The following TNFRSF8 variants were observed in gnomAD, a reference collection of about 807,000 sequenced individuals.
The protein encoded by TNFRSF8 is tumor necrosis factor receptor superfamily member 8.
TNFRSF8 carries 26 observed loss-of-function variants against 70.8 expected under a neutral mutation model. The observed-to-expected ratio is 0.37, with a 90% CI of 0.27 to 0.51. The LOEUF (loss-of-function observed/expected upper bound fraction) is 0.51. Ranked by LOEUF, TNFRSF8 falls within the 20% of genes least tolerant of loss-of-function variation. TNFRSF8 has a pLI of 0.94. For missense variants in TNFRSF8, 720 were observed against 807.9 expected (o/e 0.89, Z 1.32); for synonymous variants, 356 against 339.2 (o/e 1.05, Z -0.54).
intron 2 of TNFRSF8, 122 bp from the exon 3 acceptor site, chr1:12,096,979 A>G: frequency 1.4e-6 from 1 of 697,058 alleles, no homozygotes; most frequent in Non-Finnish European, 2.5e-6. Context: ...AATTGGACTG[A>G]CAGTTTTCGG....
rs527633163 is a variant in TNFRSF8 at position 12,092,645 on chromosome 1, C to CT, written c.152-4455dup. On this transcript the variant is annotated intron_variant, in intron 2 of 14. Transcript: ENST00000263932. ...GCCTCAGCCTCCCAAGTAGCTGGGACTACAGGCGCCCGCCACCACACCCGG... is the reference window on the plus strand; with the variant it reads ...GCCTCAGCCTCCCAAGTAGCTGGGACTTACAGGCGCCCGCCACCACACCCGG... Among the ~76,000 whole-genome samples, 25 of 149,930 alleles carry CT rather than the reference C, an allele frequency of 1.7e-4. 2 individuals carry two copies. In the South Asian group the frequency reaches 3.4e-3, roughly 20 times the overall value.
At chr1:12,105,573 TCACACACACACA>T (rs34007480) in intron 4 of TNFRSF8, among the ~76,000 whole-genome samples, 1 of 147,364 alleles carries the variant, frequency 6.8e-6, no homozygotes, top group African/African-American at 2.5e-5. Context: ...TCTCTCTGTC[TCACACACACACA>T]CACACACACA....
At chr1:12,128,556 G>A (rs12402147) in intron 12 of TNFRSF8, among the ~76,000 whole-genome samples, 13,505 of 152,344 alleles carry the variant, frequency 0.089, 675 homozygotes, top group South Asian at 0.21. Context: ...GGCACAGGAT[G>A]GTGAAGTAAT....
chr1:12,073,745 C>G (rs1030156928), intron 1 of TNFRSF8, among the ~76,000 whole-genome samples: 8 of 151,940 alleles, frequency 5.3e-5, no homozygotes, highest in Admixed American at 6.6e-5. Context: ...AGGCGCCCAC[C>G]ACCACGCCTG....
At chr1:12,133,761 A>T in intron 12 of TNFRSF8, among the ~76,000 whole-genome samples, 1 of 115,296 alleles carries the variant, frequency 8.7e-6, no homozygotes, top group South Asian at 2.7e-4. Context: ...AAAAAAAAAA[A>T]ATTACCCCTG....
At chr1:12,130,591 C>T (rs940214191) in intron 12 of TNFRSF8, among the ~76,000 whole-genome samples, 3 of 152,322 alleles carry the variant, frequency 2.0e-5, no homozygotes, top group Admixed American at 6.5e-5. Flanking sequence ...AATCACAGGC[C>T]AGAGAGGGGA....
At chr1:12,123,888 G>T in intron 10 of TNFRSF8, 61 bp downstream of exon 10, 1 of 1,417,322 alleles carries the variant, frequency 7.1e-7, no homozygotes, top group Non-Finnish European at 9.7e-7. Context: ...GGGAAGTGTG[G>T]ATTGGGGGAG....
chr1:12,086,401 A>G (rs947030607), intron 2 of TNFRSF8, among the ~76,000 whole-genome samples: 5 of 152,122 alleles, frequency 3.3e-5, no homozygotes, highest in Non-Finnish European at 7.4e-5. Context: ...TGAATGATCT[A>G]TTAGGTGGGT....
chr1:12,077,010 C>T (rs1569987788), intron 1 of TNFRSF8, among the ~76,000 whole-genome samples: 2 of 152,150 alleles, frequency 1.3e-5, no homozygotes, highest in Admixed American at 6.5e-5. Flanking sequence ...GGCCCAACCA[C>T]GGCTGAAGAG....
At chr1:12,095,668 T>C (rs1246736126) in intron 2 of TNFRSF8, among the ~76,000 whole-genome samples, 1 of 152,260 alleles carries the variant, frequency 6.6e-6, no homozygotes, top group African/African-American at 2.4e-5. Context: ...CTGCATATTT[T>C]ATTCATGAAT....
In TNFRSF8 at chr1:12,138,708, G is replaced by A. The variant is rs765777788; in HGVS notation, c.1543+272G>A. Among the ~76,000 whole-genome samples the A allele has an allele frequency of 6.6e-6, 1 of 152,154 alleles. No individual in the cohort carries two copies. The highest frequency in any genetic ancestry group is 1.9e-4 in the East Asian group (1 of 5,186). On this transcript the variant is annotated intron_variant, in intron 14 of 14. Coordinates refer to ENST00000263932, the MANE Select transcript of TNFRSF8 (RefSeq NM_001243.5). This position sits in a 1 kb window ranked among gnomAD's most constrained non-coding sequence, Gnocchi z 5.7. Reference sequence around the variant, plus strand: ...GAACACCACCCCAGCCCCCAACACCGAGCACCCGAGGGGACAGGAGGAAGA... The same window carrying A: ...GAACACCACCCCAGCCCCCAACACCAAGCACCCGAGGGGACAGGAGGAAGA...
intron 1 of TNFRSF8, among the ~76,000 whole-genome samples, chr1:12,064,637 A>C (rs570305691): frequency 6.6e-6 from 1 of 152,178 alleles, no homozygotes; most frequent in African/African-American, 2.4e-5. Context: ...CTATGGATCA[A>C]TTCTAGTCAT....
At chr1:12,083,850 G>T (rs1004182371) in intron 1 of TNFRSF8, among the ~76,000 whole-genome samples, 1 of 152,198 alleles carries the variant, frequency 6.6e-6, no homozygotes, top group African/African-American at 2.4e-5. Flanking sequence ...CAGGGGAATG[G>T]ACTGCGTAAT....
rs541080871 is a variant in TNFRSF8 at position 12,073,953 on chromosome 1, C to T, written c.63+10292C>T. Among the ~76,000 whole-genome samples, 260 of 152,194 alleles carry T rather than the reference C, an allele frequency of 1.7e-3. 2 individuals are homozygous for T. The highest frequency in any genetic ancestry group is 5.9e-3 in the African/African-American group (245 of 41,534). On this transcript the variant is annotated intron_variant, in intron 1 of 14. Transcript: ENST00000263932. Reference sequence around the variant, plus strand: ...CGTGGCGGCTGTTGCTGCCCGGGAACGTACTTCAGGGCTGGGTGGGTTTTA... The same window carrying T: ...CGTGGCGGCTGTTGCTGCCCGGGAATGTACTTCAGGGCTGGGTGGGTTTTA...
intron 12 of TNFRSF8, among the ~76,000 whole-genome samples, chr1:12,130,662 A>G (rs1297884911): frequency 6.6e-6 from 1 of 152,254 alleles, no homozygotes; most frequent in African/African-American, 2.4e-5. Flanking sequence ...ATCGCATGTG[A>G]GAACGCACGT....
intron 2 of TNFRSF8, among the ~76,000 whole-genome samples, chr1:12,094,782 T>A (rs1641303519): frequency 1.3e-5 from 2 of 151,862 alleles, no homozygotes; most frequent in Non-Finnish European, 2.9e-5. Flanking sequence ...TGTACCACCA[T>A]GCCCGGCTAA....
At chr1:12,137,441 A>G (rs948349048) in intron 13 of TNFRSF8, among the ~76,000 whole-genome samples, 1 of 150,916 alleles carries the variant, frequency 6.6e-6, no homozygotes. Context: ...ACTCACACTC[A>G]CTCCATTTTG....
At chr1:12,092,509 C>CT (rs60030428) in intron 2 of TNFRSF8, among the ~76,000 whole-genome samples, 7,417 of 130,054 alleles carry the variant, frequency 0.057, 252 homozygotes, top group African/African-American at 0.076. Context: ...TTTTTCTTGT[C>CT]TTTTTTTTTT....
intron 2 of TNFRSF8, among the ~76,000 whole-genome samples, chr1:12,086,981 C>A (rs1381372152): frequency 6.6e-6 from 1 of 151,800 alleles, no homozygotes; most frequent in African/African-American, 2.4e-5. Flanking sequence ...TCCATAGCAC[C>A]ATCGCCTTCC....
Sources: gnomAD v4.1 joint callset for allele counts (sites outside exome capture counted in the v4.1 genomes callset) on GRCh38, gnomAD v4.1.1 for gene constraint, Gnocchi (gnomAD v3.1) non-coding constraint, MANE v1.5 for transcripts, NCBI Gene and HGNC (gene_info 2026-07-23, HGNC 2026-07-21) for gene names.